Variants in ADAM10 observed in about 807,000 individuals in gnomAD.
ADAM10 encodes ADAM metallopeptidase domain 10.
ADAM10 carries 17 observed loss-of-function variants against 90.1 expected under a neutral mutation model. That is an observed-to-expected ratio of 0.19 (90% CI 0.13 to 0.28). ADAM10 has a LOEUF of 0.28. ADAM10 is among the 10% of genes least tolerant of loss of function. The pLI is 1.00. For missense variants in ADAM10, 610 were observed against 914.3 expected, an observed-to-expected ratio of 0.67 and a Z score of 4.29; for synonymous variants, 310 against 298.6, an observed-to-expected ratio of 1.04 and a Z score of -0.40.
intron 1 of ADAM10, among the ~76,000 whole-genome samples, chr15:58,727,033 G>C (rs1899054233): frequency 6.6e-6 from 1 of 151,798 alleles, no homozygotes; most frequent in Admixed American, 6.6e-5. Context: ...TAAGAGACAG[G>C]GTCTCACTCA....
intron 5 of ADAM10, 25 bp downstream of exon 5, chr15:58,665,072 T>C: frequency 6.7e-7 from 1 of 1,498,146 alleles, no homozygotes; most frequent in Non-Finnish European, 9.3e-7. Flanking sequence ...ATTTCCTAAA[T>C]GCAAGCTAGT....
chr15:58,677,995 G>A (rs1175454665), intron 4 of ADAM10, among the ~76,000 whole-genome samples: 18 of 152,208 alleles, frequency 1.2e-4, no homozygotes, highest in South Asian at 4.2e-4. Context: ...AGAAAGAAAC[G>A]AAAGCAAAGG....
intron 1 of ADAM10, among the ~76,000 whole-genome samples, chr15:58,742,233 G>A (rs1191100698): frequency 2.0e-5 from 3 of 152,156 alleles, no homozygotes; most frequent in Admixed American, 6.5e-5. Flanking sequence ...TTTACTTGCA[G>A]TAGTACAAGT....
At chr15:58,636,959 G>A (rs1291459321) in intron 8 of ADAM10, among the ~76,000 whole-genome samples, 1 of 152,204 alleles carries the variant, frequency 6.6e-6, no homozygotes. Context: ...CTACTCACAT[G>A]CAATGGGTAG....
intron 1 of ADAM10, among the ~76,000 whole-genome samples, chr15:58,733,718 T>G (rs1358210477): frequency 6.6e-6 from 1 of 152,068 alleles, no homozygotes; most frequent in Non-Finnish European, 1.5e-5. Flanking sequence ...AAATATTCTT[T>G]ATTTTCTTTC....
chr15:58,720,813 A>C (rs1482691478), intron 1 of ADAM10, among the ~76,000 whole-genome samples: 1 of 152,244 alleles, frequency 6.6e-6, no homozygotes, highest in Non-Finnish European at 1.5e-5. Context: ...TTAGCAAAAA[A>C]GAAGAAATCA....
chr15:58,695,587 G>C (rs1396423750), intron 2 of ADAM10, among the ~76,000 whole-genome samples: 2 of 151,786 alleles, frequency 1.3e-5, no homozygotes, highest in Non-Finnish European at 2.9e-5. Flanking sequence ...GAAAGCACTA[G>C]TATTCTATAT....
intron 11 of ADAM10, among the ~76,000 whole-genome samples, chr15:58,620,014 C>A (rs1290876353): frequency 6.6e-6 from 1 of 151,884 alleles, no homozygotes; most frequent in African/African-American, 2.4e-5. Flanking sequence ...ACATTCTTGC[C>A]CTGTTCACCT....
intron 8 of ADAM10, among the ~76,000 whole-genome samples, chr15:58,638,209 AAG>A (rs1291561135): frequency 1.3e-5 from 2 of 152,128 alleles, no homozygotes; most frequent in African/African-American, 4.8e-5. Flanking sequence ...GTCTGAAAGA[AAG>A]AGAGATAATA....
At chr15:58,726,136 A>G (rs1899019175) in intron 1 of ADAM10, among the ~76,000 whole-genome samples, 1 of 152,198 alleles carries the variant, frequency 6.6e-6, no homozygotes, top group Non-Finnish European at 1.5e-5. Flanking sequence ...CAATAACAGC[A>G]CAACAGAAAA....
chr15:58,603,842 G>A (rs1449885213), intron 14 of ADAM10, among the ~76,000 whole-genome samples: 1 of 52,038 alleles, frequency 1.9e-5, no homozygotes, highest in East Asian at 6.2e-4. Context: ...GAATACACAA[G>A]AAATCCATCC....
At chr15:58,728,782 T>C (rs1193794715) in intron 1 of ADAM10, among the ~76,000 whole-genome samples, 2 of 152,164 alleles carry the variant, frequency 1.3e-5, no homozygotes, top group Non-Finnish European at 2.9e-5. Context: ...TTCCAAGTTA[T>C]CTTCTCAGTA....
chr15:58,713,154 G>A (rs114361338), intron 2 of ADAM10, among the ~76,000 whole-genome samples: 7,617 of 152,158 alleles, frequency 0.05, 654 homozygotes, highest in African/African-American at 0.17. Flanking sequence ...AAGCTGGAGC[G>A]CAGTGGCACA....
chr15:58,608,035 C>G (rs1252348137), intron 14 of ADAM10, among the ~76,000 whole-genome samples: 1 of 152,154 alleles, frequency 6.6e-6, no homozygotes, highest in Admixed American at 6.5e-5. Flanking sequence ...ATCATTTTAT[C>G]CTGTCCAAAC....
rs541113334 is a variant in ADAM10 at position 58,645,657 on chromosome 15, G to A, written c.735+398C>T. Among the ~76,000 whole-genome samples the A allele has an allele frequency of 5.9e-5, 9 of 152,164 alleles. No homozygotes were observed. The South Asian group carries it at 1.7e-3, about 28-fold the overall frequency. On this transcript the variant is annotated intron_variant, in intron 6 of 15. Coordinates refer to ENST00000260408, the MANE Select transcript of ADAM10 (RefSeq NM_001110.4). ...CCTCAAAATATTTATACTTTAATGA[G>A]GGTTGAGAAGACACAAGTACAAATA...
Position 58,591,655 on chromosome 15 carries a change from T to A in ADAM10, c.*5892A>T, listed in dbSNP as rs1275097228. ...CCAAGTGCCCATCACCCAGCTTCAA[T>A]AATTATCAACTCACAGCCAATCTTG... is the stretch of plus-strand genomic sequence containing the variant. On this transcript the variant is annotated 3_prime_UTR_variant, in exon 16 of 16. Coordinates refer to ENST00000260408, the MANE Select transcript of ADAM10 (RefSeq NM_001110.4). 1.3e-5 allele frequency: 2 copies of A among 152,342 alleles called. No homozygotes were observed. Among genetic ancestry groups the A allele is most frequent in the African/African-American group, 4.8e-5 (2 of 41,580 alleles). The allele number at this position is 152,342 out of a possible 1,614,324, so 9.4% of individuals were successfully genotyped here.
At chr15:58,612,123 A>G in intron 11 of ADAM10, 132 bp from the exon 12 acceptor site, 9 of 927,774 alleles carry the variant, frequency 9.7e-6, no homozygotes, top group East Asian at 2.6e-5. Context: ...CACTTAAATG[A>G]TAAGTATGTT....
At position 58,614,575 on chromosome 15, in the gene ADAM10, A is replaced by T. The variant is rs141140090; in HGVS notation, c.1512-2584T>A. ...AAATTGGCAGCCAAGAATCTATAAG[A>T]CTTTATTTGTCCCTCATTTCTGAAG... On this transcript the variant is annotated intron_variant, in intron 11 of 15. Transcript: ENST00000260408. Among the ~76,000 whole-genome samples the T allele has an allele frequency of 8.0e-3, 1,217 of 152,298 alleles. 12 individuals carry two copies. The highest frequency in any genetic ancestry group is 0.028 in the African/African-American group (1,160 of 41,562).
At chr15:58,691,923 G>T (rs1195898829) in intron 2 of ADAM10, among the ~76,000 whole-genome samples, 8 of 151,876 alleles carry the variant, frequency 5.3e-5, no homozygotes, top group African/African-American at 1.7e-4. Flanking sequence ...TGATCTGCCC[G>T]CCTCAGCCTC....
Sources: allele counts gnomAD v4.1 joint callset (sites outside exome capture counted in the v4.1 genomes callset), GRCh38; gene constraint gnomAD v4.1.1; transcripts MANE v1.5; gene names NCBI Gene and HGNC (gene_info 2026-07-23, HGNC 2026-07-21).